MAS1: variants seen among roughly 807,000 people sequenced by gnomAD.
The protein encoded by MAS1 is MAS1 proto-oncogene, G protein-coupled receptor, also known as proto-oncogene Mas.
For synonymous variants in MAS1, 163 were observed against 164.2 expected (o/e 0.99, Z 0.05); for missense variants, 387 against 409.7 (o/e 0.94, Z 0.48).
intron 1 of MAS1, among the ~76,000 whole-genome samples, chr6:159,892,175 A>T (rs1048653221): frequency 1.3e-5 from 2 of 152,268 alleles, no homozygotes; most frequent in African/African-American, 4.8e-5. Flanking sequence ...GACGGGAATG[A>T]TGCATTTAAT....
chr6:159,888,967 G>A (rs529026036), upstream of MAS1, among the ~76,000 whole-genome samples: 1 of 152,250 alleles, frequency 6.6e-6, no homozygotes, highest in South Asian at 2.1e-4. Flanking sequence ...CCAAAAATGC[G>A]ACTCCAGCTC....
chr6:159,910,337 A>G lies in MAS1; in HGVS notation c.*2404A>G, dbSNP rs1390793952. ...GGAGAAAGAGACACCGCATAACTAC[A>G]ACACCAGGCTGCACACAAGTTTGTT... On this transcript the variant is annotated 3_prime_UTR_variant, in exon 3 of 3. Transcript: ENST00000674077. 1 of 152,354 alleles carries G rather than the reference A, an allele frequency of 6.6e-6. No homozygotes were observed. The highest frequency in any genetic ancestry group is 1.9e-4 in the East Asian group (1 of 5,190). 9.4% of individuals were successfully genotyped at this position (152,354 alleles called of 1,614,324 possible).
At chr6:159,890,903 G>T (rs1399282757), upstream of MAS1, among the ~76,000 whole-genome samples, 1 of 152,226 alleles carries the variant, frequency 6.6e-6, no homozygotes, top group African/African-American at 2.4e-5. Flanking sequence ...GTCACTGAAT[G>T]ATGCCATTGG....
chr6:159,898,717 C>T (rs1681580527), intron 1 of MAS1, among the ~76,000 whole-genome samples: 1 of 142,758 alleles, frequency 7.0e-6, no homozygotes, highest in Non-Finnish European at 1.5e-5. Context: ...CCTCCCTCTT[C>T]CTCCTCCTCC....
At position 159,907,504 on chromosome 6, in the gene MAS1, C is replaced by G. The variant is rs1298860020; in HGVS notation, c.549C>G (p.Asp183Glu). 9.9e-6 allele frequency: 16 copies of G among 1,614,082 alleles called. No individual in the cohort carries two copies. The highest frequency in any genetic ancestry group is 1.4e-5 in the Non-Finnish European group (16 of 1,180,026). ...DREEESHSRN[D>E]CRAVIIFIAI... ...AAGAAGAGAGTCACTCTCGGAATGA[C>G]TGCCGAGCAGTCATCATCTTTATAG... is the stretch of plus-strand genomic sequence containing the variant. Residue 183 changes from aspartate to glutamate, a missense_variant, in exon 3 of 3, where the codon GAC becomes GAG. Asp to Glu is a conservative substitution (Grantham distance 45, BLOSUM62 2). Transcript: ENST00000674077.
rs574133008 is a variant in MAS1, at chr6:159,913,723, T to A, written c.*5790T>A. 1 of 152,340 alleles carries A rather than the reference T, an allele frequency of 6.6e-6. No homozygotes were observed. The highest frequency in any genetic ancestry group is 2.4e-5 in the African/African-American group (1 of 41,582). The allele number at this position is 152,340 out of a possible 1,614,324, so 9.4% of individuals were successfully genotyped here. ...AAAGGCCAAAAATCAGCTATTGGGG[T>A]CTCATTTGCTTAAAATTATTGGCAT... On this transcript the variant is annotated 3_prime_UTR_variant, in exon 3 of 3. Coordinates refer to ENST00000674077, the MANE Select transcript of MAS1 (RefSeq NM_002377.4).
At position 159,910,851 on chromosome 6, in the gene MAS1, A is replaced by T. The variant is rs941559212; in HGVS notation, c.*2918A>T. 6.6e-6 allele frequency: 1 copy of T among 152,246 alleles called. No homozygotes were observed. Among genetic ancestry groups the T allele is most frequent in the South Asian group, 2.1e-4 (1 of 4,828 alleles). The allele number at this position is 152,246 out of a possible 1,614,324, so 9.4% of individuals were successfully genotyped here. On this transcript the variant is annotated 3_prime_UTR_variant, in exon 3 of 3. Coordinates refer to ENST00000674077, the MANE Select transcript of MAS1 (RefSeq NM_002377.4). ...ATTTGTCTTGCAGCCTGACCATCATAGAGAGATTGGTCCAGATAGGAAGGT... is the reference window on the plus strand; with the variant it reads ...ATTTGTCTTGCAGCCTGACCATCATTGAGAGATTGGTCCAGATAGGAAGGT...
At chr6:159,901,658 G>A (rs1041787430) in intron 2 of MAS1, among the ~76,000 whole-genome samples, 1 of 151,838 alleles carries the variant, frequency 6.6e-6, no homozygotes, top group African/African-American at 2.4e-5. Context: ...AATGTCTTGG[G>A]TATGAACATA....
At chr6:159,894,047 G>T (rs1782728439) in intron 1 of MAS1, among the ~76,000 whole-genome samples, 1 of 152,174 alleles carries the variant, frequency 6.6e-6, no homozygotes, top group Non-Finnish European at 1.5e-5. Context: ...CTCAGTTGGA[G>T]ATACCCAGGA....
intron 1 of MAS1, among the ~76,000 whole-genome samples, chr6:159,897,371 G>T (rs1782766633): frequency 1.3e-5 from 2 of 152,178 alleles, no homozygotes; most frequent in South Asian, 2.1e-4. Context: ...GCATCAGAAT[G>T]CAGGGTCTGA....
Position 159,907,612 on chromosome 6 carries a change from G to A in MAS1, c.657G>A (p.Trp219Ter), listed in dbSNP as rs1171926339. Residue 219 changes from tryptophan (W) to a stop codon, truncating the protein, a stop_gained, in exon 3 of 3, where the codon TGG (tryptophan) becomes TGA (stop). Transcript: ENST00000674077. LOFTEE classifies it low-confidence loss of function (END_TRUNC). ...TCGTGAAGATCCGGAAGAACACGTG[G>A]GCTTCCCATTCCTCCAAGCTTTACA... is the stretch of plus-strand genomic sequence containing the variant. ...ILVVKIRKNT[W>*]ASHSSKLYIV... 3.7e-6 allele frequency: 6 copies of A among 1,613,320 alleles called. No individual in the cohort carries two copies. In the Admixed American group the frequency reaches 6.7e-5, roughly 18 times the overall value.
At chr6:159,889,105 C>A (rs1034293946), upstream of MAS1, among the ~76,000 whole-genome samples, 2 of 152,186 alleles carry the variant, frequency 1.3e-5, no homozygotes, top group Admixed American at 1.3e-4. Context: ...CGGCCACCAA[C>A]CCCTTTGGAG....
Position 159,893,254 on chromosome 6 carries a change from G to A in MAS1, c.-244+2121G>A, listed in dbSNP as rs78985533. ...TCATCCCCATGGGGGCAGCCACGCC[G>A]GGGTGAGGGCAGTGGCAGTGGTGAC... On this transcript the variant is annotated intron_variant, in intron 1 of 2. Transcript: ENST00000674077. Among the ~76,000 whole-genome samples, 62 of 152,370 alleles carry A rather than the reference G, an allele frequency of 4.1e-4. No individual in the cohort carries two copies. In the East Asian group the frequency reaches 0.011, roughly 26 times the overall value.
At position 159,908,352 on chromosome 6, in the gene MAS1, G is replaced by T. The variant is rs1184363076; in HGVS notation, c.*419G>T. On this transcript the variant is annotated 3_prime_UTR_variant, in exon 3 of 3. Coordinates refer to ENST00000674077, the MANE Select transcript of MAS1 (RefSeq NM_002377.4). ...AGCCTCATTTTCTCACTCATAAAATGGTTGCGGCAATAGTCTATACCTCCT... is the reference window on the plus strand; with the variant it reads ...AGCCTCATTTTCTCACTCATAAAATTGTTGCGGCAATAGTCTATACCTCCT... The T allele has an allele frequency of 1.3e-5, 2 of 154,528 alleles. No individual in the cohort carries two copies. Among genetic ancestry groups the T allele is most frequent in the African/African-American group, 4.8e-5 (2 of 41,468 alleles). The allele number at this position is 154,528 out of a possible 1,614,324, so 9.6% of individuals were successfully genotyped here.
chr6:159,905,953 A>G (rs1386211384), intron 2 of MAS1, among the ~76,000 whole-genome samples: 3 of 152,082 alleles, frequency 2.0e-5, no homozygotes, highest in Non-Finnish European at 4.4e-5. Flanking sequence ...GAGGCAGGAG[A>G]ATCGCTTGAA....
At chr6:159,894,784 A>G (rs1413466970) in intron 1 of MAS1, among the ~76,000 whole-genome samples, 2 of 152,212 alleles carry the variant, frequency 1.3e-5, no homozygotes, top group African/African-American at 4.8e-5. Flanking sequence ...ATCTTTACCC[A>G]TAATGGTGAA....
intron 1 of MAS1, among the ~76,000 whole-genome samples, chr6:159,898,083 C>T (rs1782774364): frequency 6.6e-6 from 1 of 151,632 alleles, no homozygotes. Flanking sequence ...GTAGAGACAG[C>T]GTTTTACCAT....
intron 1 of MAS1, among the ~76,000 whole-genome samples, chr6:159,897,893 CT>C (rs957148821): frequency 4.7e-5 from 7 of 149,218 alleles, no homozygotes; most frequent in Middle Eastern, 3.4e-3. Flanking sequence ...TTAAACAAGT[CT>C]TTTTTTTTTC....
rs762886071 is a variant in MAS1, at chr6:159,907,691, C to T, written c.736C>T (p.Leu246Phe). 6.2e-7 allele frequency: 1 copy of T among 1,613,730 alleles called. No individual in the cohort carries two copies. The highest frequency in any genetic ancestry group is 1.1e-5 in the South Asian group (1 of 91,040). ...CCTCATCTTCGCTATGCCCATGAGACTCCTTTACCTGCTGTACTATGAGTA... is the reference window on the plus strand; with the variant it reads ...CCTCATCTTCGCTATGCCCATGAGATTCCTTTACCTGCTGTACTATGAGTA... ...IFLIFAMPMR[L>F]LYLLYYEYWS... Residue 246 changes from leucine to phenylalanine, a missense_variant, in exon 3 of 3, where the codon CTC (leucine) becomes TTC (phenylalanine). By Grantham distance (22) the Leu-to-Phe change is conservative (BLOSUM62 0). Coordinates refer to ENST00000674077, the MANE Select transcript of MAS1 (RefSeq NM_002377.4).
Sources: gnomAD v4.1 joint callset for allele counts (sites outside exome capture counted in the v4.1 genomes callset) on GRCh38, gnomAD v4.1.1 for gene constraint, MANE v1.5 for transcripts, NCBI Gene and HGNC (gene_info 2026-07-23, HGNC 2026-07-21) for gene names.